The following PXDNL variants were observed in gnomAD, a reference collection of about 807,000 sequenced individuals.
PXDNL encodes peroxidasin like.
PXDNL carries 145 observed loss-of-function variants against 150.8 expected under a neutral mutation model. That is an observed-to-expected ratio of 0.96 (90% CI 0.84 to 1.10). PXDNL has a LOEUF of 1.10. Among genes scored for constraint, PXDNL ranks in the 50% least tolerant of loss-of-function variants. The probability of loss-of-function intolerance (pLI) is 0.00; values close to 1 mark genes in which losing one functional copy is unlikely to be tolerated. For synonymous variants in PXDNL, 757 were observed against 725.7 expected (o/e 1.04, Z -0.69); for missense variants, 2,087 against 1,873.9 (o/e 1.11, Z -2.10).
At chr8:51,488,225 A>G (rs1810812021) in intron 5 of PXDNL, among the ~76,000 whole-genome samples, 1 of 152,216 alleles carries the variant, frequency 6.6e-6, no homozygotes, top group African/African-American at 2.4e-5. Flanking sequence ...AAGAGTATTC[A>G]GCAAATTCTG....
intron 10 of PXDNL, among the ~76,000 whole-genome samples, chr8:51,450,366 G>T (rs1809776835): frequency 6.6e-6 from 1 of 152,052 alleles, no homozygotes; most frequent in Non-Finnish European, 1.5e-5. Context: ...TACTAAACCT[G>T]CTAGGAATCC....
intron 12 of PXDNL, among the ~76,000 whole-genome samples, chr8:51,440,045 A>G (rs776913316): frequency 1.3e-5 from 2 of 151,794 alleles, no homozygotes; most frequent in Non-Finnish European, 2.9e-5. Flanking sequence ...ATATACATAT[A>G]TATATATGTA....
At chr8:51,532,423 T>C (rs1043178716) in intron 4 of PXDNL, among the ~76,000 whole-genome samples, 5 of 152,170 alleles carry the variant, frequency 3.3e-5, no homozygotes, top group Admixed American at 3.3e-4. Flanking sequence ...CTGACAGCAA[T>C]GGTTACCTCA....
At chr8:51,482,399 G>A (rs142495943) in intron 6 of PXDNL, among the ~76,000 whole-genome samples, 9 of 152,168 alleles carry the variant, frequency 5.9e-5, no homozygotes, top group African/African-American at 1.9e-4. Context: ...CAGGCTCATA[G>A]GCAGAAGGGA....
intron 17 of PXDNL, among the ~76,000 whole-genome samples, chr8:51,387,464 A>G (rs564555000): frequency 6.6e-6 from 1 of 152,260 alleles, no homozygotes; most frequent in South Asian, 2.1e-4. Flanking sequence ...GATTGCCTCT[A>G]TGTTCGGTAG....
intron 21 of PXDNL, among the ~76,000 whole-genome samples, chr8:51,333,910 T>C (rs567311009): frequency 5.3e-4 from 81 of 152,260 alleles, no homozygotes; most frequent in African/African-American, 1.9e-3. Flanking sequence ...AGACAGGTCA[T>C]CAAGACAGAA....
At chr8:51,630,398 C>G (rs951549720) in intron 2 of PXDNL, among the ~76,000 whole-genome samples, 1 of 152,012 alleles carries the variant, frequency 6.6e-6, no homozygotes, top group Non-Finnish European at 1.5e-5. Flanking sequence ...GACAAAGATG[C>G]CAAAAGCAAT....
intron 1 of PXDNL, among the ~76,000 whole-genome samples, chr8:51,755,298 GTTT>G (rs67163635): frequency 2.1e-5 from 3 of 141,604 alleles, no homozygotes; most frequent in Non-Finnish European, 1.5e-5. Context: ...AGAATGTTTT[GTTT>G]TTTTTTTTTT....
At chr8:51,498,893 T>A (rs546176301) in intron 5 of PXDNL, among the ~76,000 whole-genome samples, 1 of 152,348 alleles carries the variant, frequency 6.6e-6, no homozygotes, top group African/African-American at 2.4e-5. Context: ...CCATCCGTGT[T>A]GCAGTATAGT....
intron 3 of PXDNL, among the ~76,000 whole-genome samples, chr8:51,580,044 A>G (rs1203891286): frequency 6.6e-6 from 1 of 151,600 alleles, no homozygotes; most frequent in African/African-American, 2.4e-5. Flanking sequence ...AAATAAAAAG[A>G]AAAAAGGCAA....
chr8:51,470,669 GA>G, intron 8 of PXDNL, among the ~76,000 whole-genome samples: 1 of 152,212 alleles, frequency 6.6e-6, no homozygotes, highest in South Asian at 2.1e-4. Context: ...AGAGGCCTCG[GA>G]AATAGTGCCA....
intron 2 of PXDNL, among the ~76,000 whole-genome samples, chr8:51,652,368 C>G (rs1815057259): frequency 7.4e-6 from 1 of 135,884 alleles, no homozygotes. Context: ...AACTCATTTT[C>G]TAGACAGAAA....
chr8:51,728,749 T>C (rs1816865608), intron 1 of PXDNL, among the ~76,000 whole-genome samples: 1 of 152,222 alleles, frequency 6.6e-6, no homozygotes, highest in Admixed American at 6.5e-5. Context: ...TGAAAAACTT[T>C]ATAGTAGGCT....
At chr8:51,367,480 G>A (rs1238039131) in intron 19 of PXDNL, among the ~76,000 whole-genome samples, 4 of 152,096 alleles carry the variant, frequency 2.6e-5, no homozygotes, top group East Asian at 1.9e-4. Context: ...TTGTGGAATC[G>A]TCATGTTTAT....
intron 2 of PXDNL, among the ~76,000 whole-genome samples, chr8:51,595,336 G>A (rs1245947761): frequency 6.6e-6 from 1 of 151,152 alleles, no homozygotes; most frequent in African/African-American, 2.4e-5. Flanking sequence ...AAAAGATTAA[G>A]GCTATTTGCA....
At chr8:51,733,166 T>G (rs1299775483) in intron 1 of PXDNL, among the ~76,000 whole-genome samples, 2 of 152,190 alleles carry the variant, frequency 1.3e-5, no homozygotes, top group African/African-American at 4.8e-5. Context: ...TAGAACCAAA[T>G]CCAAGAGTAA....
chr8:51,743,411 C>T (rs2036928491), intron 1 of PXDNL, among the ~76,000 whole-genome samples: 1 of 151,822 alleles, frequency 6.6e-6, no homozygotes, highest in Non-Finnish European at 1.5e-5. Context: ...CAGAGTCTTG[C>T]TCTGTCCCCC....
intron 4 of PXDNL, among the ~76,000 whole-genome samples, chr8:51,529,025 C>T (rs185896568): frequency 5.9e-5 from 9 of 152,178 alleles, no homozygotes; most frequent in Non-Finnish European, 8.8e-5. Flanking sequence ...GTTATGGGAA[C>T]GAATATAGTT....
intron 1 of PXDNL, among the ~76,000 whole-genome samples, chr8:51,668,154 C>T (rs1372417594): frequency 7.0e-6 from 1 of 143,068 alleles, no homozygotes; most frequent in East Asian, 2.1e-4. Context: ...TACCATAATA[C>T]AAGGCTTCCT....
Sources: gnomAD v4.1 joint callset for allele counts (sites outside exome capture counted in the v4.1 genomes callset) on GRCh38, gnomAD v4.1.1 for gene constraint, MANE v1.5 for transcripts, NCBI Gene and HGNC (gene_info 2026-07-23, HGNC 2026-07-21) for gene names.